The following GNA11 variants were observed in gnomAD, a reference collection of about 807,000 sequenced individuals.
GNA11 encodes G protein subunit alpha 11, also known as guanine nucleotide-binding protein subunit alpha-11.
A neutral mutation model predicts 38.2 loss-of-function variants in GNA11; 8 were observed. The ratio of observed to expected loss-of-function variants is 0.21; its 90% confidence interval spans 0.12 to 0.38. GNA11 has a LOEUF of 0.38. Among genes scored for constraint, GNA11 ranks in the 10% least tolerant of loss-of-function variants. The pLI, the probability that GNA11 is intolerant of heterozygous loss-of-function variation, is 1.00. For missense variants in GNA11, 268 were observed against 516.3 expected, an observed-to-expected ratio of 0.52 and a Z score of 4.66; for synonymous variants, 211 against 221.4, an observed-to-expected ratio of 0.95 and a Z score of 0.42.
At chr19:3,099,537 C>A (rs528193981) in intron 1 of GNA11, among the ~76,000 whole-genome samples, 1 of 152,158 alleles carries the variant, frequency 6.6e-6, no homozygotes, top group African/African-American at 2.4e-5. Flanking sequence ...TGGAGCATCC[C>A]GCCCGGGGGG....
intron 3 of GNA11, 44 bp downstream of exon 3, chr19:3,113,528 G>A (rs377286006): frequency 3.9e-5 from 55 of 1,409,456 alleles, no homozygotes; most frequent in East Asian, 4.9e-5. Context: ...CGGCAGCTGC[G>A]GGCCGGTGCC....
chr19:3,117,978 AC>A (rs986945418), intron 4 of GNA11: 1 of 152,158 alleles, frequency 6.6e-6, no homozygotes, highest in African/African-American at 2.4e-5. Context: ...GTGTCGGCAC[AC>A]CCACTGTCCT....
In GNA11 at chr19:3,120,221, C is replaced by T. The variant is rs1030777559; in HGVS notation, c.890-768C>T. 3.9e-5 allele frequency among the ~76,000 whole-genome samples: 6 copies of T among 152,136 alleles called. No homozygotes were observed. The highest frequency in any genetic ancestry group is 1.2e-4 in the African/African-American group (5 of 41,438). On this transcript the variant is annotated intron_variant, in intron 6 of 6. Coordinates refer to ENST00000078429, the MANE Select transcript of GNA11 (RefSeq NM_002067.5). This position sits in a 1 kb window ranked among gnomAD's most constrained non-coding sequence, Gnocchi z 5.9. ...GTCTGGCACACGGTATAGCCTCGGC[C>T]GCTGGCTGCAGGCGCAGGGCCCTGC... is the stretch of plus-strand genomic sequence containing the variant.
rs1914115070 is a variant in GNA11, at chr19:3,122,709, TCTGGC to T, written c.*1533_*1537del. The T allele has an allele frequency of 4.3e-6, 1 of 233,456 alleles. No individual in the cohort carries two copies. The highest frequency in any genetic ancestry group is 8.5e-6 in the Non-Finnish European group (1 of 118,324). 14.5% of individuals were successfully genotyped at this position (233,456 alleles called of 1,614,324 possible). On this transcript the variant is annotated 3_prime_UTR_variant, in exon 7 of 7. Transcript: ENST00000078429. The surrounding 1 kb of genome is among the most constrained non-coding windows in gnomAD (Gnocchi z 7.7). ...CACACCGGGACCCTGCACGGCTGCT[TCTGGC>T]CTCGACAGATGACAAAAGAAACAGC...
At position 3,121,127 on chromosome 19, in the gene GNA11, C is replaced by T. The variant is rs1424927429; in HGVS notation, c.1028C>T (p.Ala343Val). 1 of 1,613,778 alleles carries T rather than the reference C, an allele frequency of 6.2e-7. No individual in the cohort carries two copies. The stretch of plus-strand genomic sequence containing the variant: ...GAGAACATCCGCTTCGTGTTCGCGG[C>T]CGTGAAGGACACCATCCTGCAGCTC... ...DTENIRFVFA[A>V]VKDTILQLNL... The change falls in exon 7 of 7, where the codon GCC (alanine) becomes GTC (valine). Residue 343 changes from alanine (A) to valine (V), a missense_variant. Transcript: ENST00000078429.
At chr19:3,106,269 G>C (rs1913636633) in intron 1 of GNA11, among the ~76,000 whole-genome samples, 1 of 152,190 alleles carries the variant, frequency 6.6e-6, no homozygotes. Context: ...TTCAGACATT[G>C]GGTCCACTGT....
chr19:3,094,798 C>A lies in GNA11; in HGVS notation c.136+11C>A. 2 of 1,544,300 alleles carry A rather than the reference C, an allele frequency of 1.3e-6. No individual in the cohort carries two copies. Among genetic ancestry groups the A allele is most frequent in the East Asian group, 2.5e-5 (1 of 39,804 alleles). ...AGCTGCTGCTGCTCGGTGAGTGCGG[C>A]CCCCGGGCCTGCCGGCTGCGGGCCC... On this transcript the variant is annotated intron_variant, in intron 1 of 6. Transcript: ENST00000078429. This position sits in a 1 kb window ranked among gnomAD's most constrained non-coding sequence, Gnocchi z 6.0.
rs1346076807 is a variant in GNA11, at chr19:3,123,412, G to GA, written c.*2234dup. The GA allele has an allele frequency of 4.3e-6, 1 of 232,496 alleles. No homozygotes were observed. The highest frequency in any genetic ancestry group is 8.5e-6 in the Non-Finnish European group (1 of 118,122). The allele number at this position is 232,496 out of a possible 1,614,324, so 14.4% of individuals were successfully genotyped here. The stretch of plus-strand genomic sequence containing the variant: ...CCCAGGGCAGGGGTGCCTGCCCCAG[G>GA]AGAGTCCCAGGCAGTGGTTCTCGTG... On this transcript the variant is annotated 3_prime_UTR_variant, in exon 7 of 7. Transcript: ENST00000078429.
intron 1 of GNA11, among the ~76,000 whole-genome samples, chr19:3,099,485 G>A (rs1316689493): frequency 2.6e-5 from 4 of 152,232 alleles, no homozygotes; most frequent in Non-Finnish European, 5.9e-5. Context: ...CTGGCGTGCA[G>A]GTGGTTGCAG....
At chr19:3,098,369 G>T (rs1913423787) in intron 1 of GNA11, among the ~76,000 whole-genome samples, 1 of 152,220 alleles carries the variant, frequency 6.6e-6, no homozygotes, top group South Asian at 2.1e-4. Context: ...CTTGGATCTG[G>T]GTTCCCATTC....
At chr19:3,107,632 T>G (rs1298984100) in intron 1 of GNA11, among the ~76,000 whole-genome samples, 1 of 152,198 alleles carries the variant, frequency 6.6e-6, no homozygotes, top group Non-Finnish European at 1.5e-5. Context: ...TAGCATTTTG[T>G]TAGACATAGA....
intron 1 of GNA11, among the ~76,000 whole-genome samples, chr19:3,105,847 G>T (rs1416732430): frequency 6.6e-6 from 1 of 152,202 alleles, no homozygotes; most frequent in Non-Finnish European, 1.5e-5. Flanking sequence ...GTGGTGCTTG[G>T]TGTGCGGTGA....
intron 1 of GNA11, among the ~76,000 whole-genome samples, chr19:3,098,194 T>A (rs1338703738): frequency 6.6e-6 from 1 of 152,248 alleles, no homozygotes; most frequent in Non-Finnish European, 1.5e-5. Flanking sequence ...GGTTTGTCCC[T>A]ATGCACACTT....
chr19:3,115,728 C>T (rs1382393805), intron 4 of GNA11, among the ~76,000 whole-genome samples: 2 of 114,632 alleles, frequency 1.7e-5, no homozygotes, highest in Non-Finnish European at 3.5e-5. Context: ...GGAGGGGGCT[C>T]ATGGGGACCG....
intron 1 of GNA11, among the ~76,000 whole-genome samples, chr19:3,105,158 C>G (rs1192220161): frequency 6.6e-6 from 1 of 152,170 alleles, no homozygotes; most frequent in Non-Finnish European, 1.5e-5. Flanking sequence ...TCCCCTGCCA[C>G]AGGCAGGGGC....
rs2145326516 is a variant in GNA11 at position 3,119,086 on chromosome 19, G to A, written c.735+33G>A. On this transcript the variant is annotated intron_variant, in intron 5 of 6. Transcript: ENST00000078429. The surrounding 1 kb of genome is among the most constrained non-coding windows in gnomAD (Gnocchi z 4.6). Reference sequence around the variant, plus strand: ...CTGCCCTGAGCAGGGGCAGCGTTGGGGGCCGGGCCTTCCCCACCTGCCAAG... The same window carrying A: ...CTGCCCTGAGCAGGGGCAGCGTTGGAGGCCGGGCCTTCCCCACCTGCCAAG... 6.2e-7 allele frequency: 1 copy of A among 1,609,816 alleles called. No individual in the cohort carries two copies. Among genetic ancestry groups the A allele is most frequent in the Non-Finnish European group, 8.5e-7 (1 of 1,176,786 alleles).
At chr19:3,111,761 C>T (rs967581598) in intron 2 of GNA11, among the ~76,000 whole-genome samples, 3 of 152,210 alleles carry the variant, frequency 2.0e-5, no homozygotes, top group East Asian at 3.9e-4. Context: ...CCCCAGTGGC[C>T]GCCCTATGGG....
intron 1 of GNA11, among the ~76,000 whole-genome samples, chr19:3,107,079 A>C (rs1370038178): frequency 6.6e-6 from 1 of 152,224 alleles, no homozygotes; most frequent in African/African-American, 2.4e-5. Flanking sequence ...TCTACTAAAA[A>C]TACAAAATTA....
At chr19:3,101,328 C>T (rs1020466317) in intron 1 of GNA11, among the ~76,000 whole-genome samples, 2 of 152,228 alleles carry the variant, frequency 1.3e-5, no homozygotes, top group African/African-American at 4.8e-5. Flanking sequence ...GACTGTGGGG[C>T]CAGGTCCACA....
Sources: gnomAD v4.1 joint callset for allele counts (sites outside exome capture counted in the v4.1 genomes callset) on GRCh38, gnomAD v4.1.1 for gene constraint, Gnocchi (gnomAD v3.1) non-coding constraint, MANE v1.5 for transcripts, NCBI Gene and HGNC (gene_info 2026-07-23, HGNC 2026-07-21) for gene names.